The following SGK3 variants were observed in gnomAD, a reference collection of about 807,000 sequenced individuals.
The protein encoded by SGK3 is serum/glucocorticoid regulated kinase family member 3, also known as serine/threonine-protein kinase Sgk3.
Under a neutral mutation model 68.5 loss-of-function variants are expected in SGK3, and 47 were observed. The ratio of observed to expected loss-of-function variants is 0.69; its 90% CI spans 0.54 to 0.87. The LOEUF (loss-of-function observed/expected upper bound fraction) is 0.87. Among genes scored for constraint, SGK3 ranks in the 40% least tolerant of loss-of-function variants. The pLI is 0.00. For synonymous variants in SGK3, 181 were observed against 189.1 expected (o/e 0.96, Z 0.35); for missense variants, 479 against 575.5 (o/e 0.83, Z 1.72).
chr8:66,726,015 T>C (rs1460736486), intron 1 of SGK3, among the ~76,000 whole-genome samples: 1 of 151,766 alleles, frequency 6.6e-6, no homozygotes, highest in Admixed American at 6.5e-5. Context: ...TTGGTGCTTT[T>C]AGAAAATAAA....
At chr8:66,760,800 GA>G (rs1289644883) in intron 1 of SGK3, among the ~76,000 whole-genome samples, 2 of 152,104 alleles carry the variant, frequency 1.3e-5, no homozygotes, top group Non-Finnish European at 2.9e-5. Flanking sequence ...ATAAGATTTT[GA>G]TATATAGCAG....
intron 3 of SGK3, among the ~76,000 whole-genome samples, chr8:66,799,316 G>C (rs77377702): frequency 1.3e-3 from 198 of 152,272 alleles, no homozygotes; most frequent in Non-Finnish European, 5.3e-4. Context: ...GAACATTTGA[G>C]CCTAGGAGTT....
intron 12 of SGK3, 86 bp from the exon 13 acceptor site, chr8:66,840,938 T>C (rs1809775508): frequency 3.0e-6 from 3 of 983,726 alleles, no homozygotes; most frequent in Non-Finnish European, 4.3e-6. Flanking sequence ...TAAGACTCTG[T>C]TTCAAAAAAA....
chr8:66,740,906 CAA>C (rs899256897), intron 1 of SGK3, among the ~76,000 whole-genome samples: 52 of 42,728 alleles, frequency 1.2e-3, no homozygotes, highest in African/African-American at 4.1e-3. Context: ...GACTCTGTCT[CAA>C]AAAAAAAAAA....
At chr8:66,737,354 TA>T (rs879623634) in intron 1 of SGK3, 4,729 of 144,108 alleles carry the variant, frequency 0.033, 240 homozygotes, top group African/African-American at 0.11. Flanking sequence ...CCTCATCTCT[TA>T]AAAAAAAAAA....
intron 8 of SGK3, among the ~76,000 whole-genome samples, chr8:66,833,125 C>T (rs1809370846): frequency 6.6e-6 from 1 of 152,076 alleles, no homozygotes; most frequent in South Asian, 2.1e-4. Context: ...CCTGCCTCAG[C>T]CTTCCGAGTA....
chr8:66,726,602 T>C (rs1245641325), intron 1 of SGK3, among the ~76,000 whole-genome samples: 1 of 152,034 alleles, frequency 6.6e-6, no homozygotes, highest in Non-Finnish European at 1.5e-5. Flanking sequence ...GATTAAAATG[T>C]TTTAAATATG....
At chr8:66,773,125 G>A (rs530032181) in intron 1 of SGK3, among the ~76,000 whole-genome samples, 1 of 152,330 alleles carries the variant, frequency 6.6e-6, no homozygotes, top group South Asian at 2.1e-4. Flanking sequence ...TGGGAGGGAT[G>A]TTAGTTGTAA....
rs34252246 is a variant in SGK3, at chr8:66,718,449, ATGTGTGTG to A, written c.-122+5634_-122+5641del. ...ATATATATACACACATATATATATTATGTGTGTGTGTGTGTGTGTGTGTGTATGACCAG... is the reference window on the plus strand; with the variant it reads ...ATATATATACACACATATATATATTATGTGTGTGTGTGTGTGTATGACCAG... On this transcript the variant is annotated intron_variant, in intron 1 of 16. Transcript: ENST00000521198. Among the ~76,000 whole-genome samples, 545 of 147,160 alleles carry A rather than the reference ATGTGTGTG, an allele frequency of 3.7e-3. 7 individuals are homozygous for A. The highest frequency in any genetic ancestry group is 0.013 in the African/African-American group (507 of 40,320).
chr8:66,757,973 TAC>T (rs760216018), intron 1 of SGK3, among the ~76,000 whole-genome samples: 4 of 146,886 alleles, frequency 2.7e-5, no homozygotes, highest in Admixed American at 2.1e-4. Flanking sequence ...ACTATATATA[TAC>T]ACACACACTA....
intron 16 of SGK3, among the ~76,000 whole-genome samples, chr8:66,851,317 C>T (rs1810273367): frequency 6.6e-6 from 1 of 151,978 alleles, no homozygotes; most frequent in Admixed American, 6.5e-5. Flanking sequence ...AGTTCAAAAC[C>T]AGCCTGGCCA....
At chr8:66,781,666 G>T (rs926737617) in intron 1 of SGK3, among the ~76,000 whole-genome samples, 1 of 152,234 alleles carries the variant, frequency 6.6e-6, no homozygotes, top group Non-Finnish European at 1.5e-5. Context: ...TTCTCAAGTT[G>T]TTGGTGCACA....
chr8:66,733,364 A>AT (rs1278674946), intron 1 of SGK3, among the ~76,000 whole-genome samples: 2 of 152,122 alleles, frequency 1.3e-5, no homozygotes, highest in Non-Finnish European at 2.9e-5. Flanking sequence ...TTGTAATTGA[A>AT]TTATCTCTTT....
At chr8:66,806,814 GA>G (rs71249409) in intron 4 of SGK3, among the ~76,000 whole-genome samples, 236 of 84,614 alleles carry the variant, frequency 2.8e-3, no homozygotes, top group African/African-American at 3.9e-3. Flanking sequence ...ACTCTGTCTC[GA>G]AAAAAAAAAA....
At chr8:66,742,071 C>G (rs1004057408) in intron 1 of SGK3, among the ~76,000 whole-genome samples, 3 of 152,122 alleles carry the variant, frequency 2.0e-5, no homozygotes, top group Non-Finnish European at 2.9e-5. Flanking sequence ...GTACAAAAGC[C>G]TAGTGGGAAA....
In SGK3 at chr8:66,762,083, A is replaced by G. The variant is rs184478861; in HGVS notation, c.-121-31533A>G. Among the ~76,000 whole-genome samples, 12 of 152,128 alleles carry G rather than the reference A, an allele frequency of 7.9e-5. No homozygotes were observed. In the East Asian group the frequency reaches 2.3e-3, roughly 29 times the overall value. On this transcript the variant is annotated intron_variant, in intron 1 of 16. Transcript: ENST00000521198. ...TCTTGTCCCCCAGTGCAGTGGTGCAATCTCAGCTCACTGCAACCTCTGCCA... is the reference window on the plus strand; with the variant it reads ...TCTTGTCCCCCAGTGCAGTGGTGCAGTCTCAGCTCACTGCAACCTCTGCCA...
chr8:66,744,422 T>G (rs1805567497), intron 1 of SGK3, among the ~76,000 whole-genome samples: 2 of 146,016 alleles, frequency 1.4e-5, no homozygotes, highest in South Asian at 2.2e-4. Flanking sequence ...CTTGGGAAAT[T>G]TCTTATTATT....
chr8:66,783,274 G>A (rs1807064014), intron 1 of SGK3, among the ~76,000 whole-genome samples: 1 of 152,190 alleles, frequency 6.6e-6, no homozygotes, highest in Non-Finnish European at 1.5e-5. Flanking sequence ...TTGGTGAGGT[G>A]TCTGTTAAGG....
At chr8:66,816,204 A>G (rs1240051384) in intron 5 of SGK3, among the ~76,000 whole-genome samples, 6 of 151,582 alleles carry the variant, frequency 4.0e-5, no homozygotes, top group South Asian at 2.1e-4. Flanking sequence ...GGGTTTCACC[A>G]TGTTAGCCAG....
Sources: allele counts gnomAD v4.1 joint callset (sites outside exome capture counted in the v4.1 genomes callset), GRCh38; gene constraint gnomAD v4.1.1; transcripts MANE v1.5; gene names NCBI Gene and HGNC (gene_info 2026-07-23, HGNC 2026-07-21).